The following VAC14 variants were observed in gnomAD, a reference collection of about 807,000 sequenced individuals.
The protein encoded by VAC14 is protein VAC14 homolog.
A neutral mutation model predicts 85.3 loss-of-function variants in VAC14; 47 were observed. The observed-to-expected ratio is 0.55, with a 90% CI of 0.44 to 0.70. VAC14 has a LOEUF of 0.70. Ranked by LOEUF, VAC14 falls within the 30% of genes least tolerant of loss-of-function variation. VAC14 has a pLI of 0.00. For missense variants in VAC14, 861 were observed against 1,004.3 expected (o/e 0.86, Z 1.93); for synonymous variants, 447 against 430.5 (o/e 1.04, Z -0.47).
In VAC14 at chr16:70,786,350, G is replaced by A. The variant is rs1435530349; in HGVS notation, c.120C>T (p.Phe40=). 9 of 1,614,118 alleles carry A rather than the reference G, an allele frequency of 5.6e-6. No individual in the cohort carries two copies. Among genetic ancestry groups the A allele is most frequent in the African/African-American group, 1.3e-5 (1 of 75,064 alleles). The change falls in exon 2 of 19, where the codon TTC becomes TTT. Residue 40 remains phenylalanine (F), a synonymous_variant. Transcript: ENST00000261776. ...TTTGCACGGTATTGTTCTGGGCCAC[G>A]AACTCCCGGACCAGCCTGGAGAGAG... The part of the protein sequence containing the change: ...ALEIEKLVRE[F]VAQNNTVQIK...
chr16:70,698,022 G>A (rs2053749299), intron 15 of VAC14, among the ~76,000 whole-genome samples: 1 of 152,162 alleles, frequency 6.6e-6, no homozygotes, highest in Non-Finnish European at 1.5e-5. Context: ...TGGGACCCGC[G>A]TCTCTCCTTG....
chr16:70,757,185 C>T (rs1218177939), intron 12 of VAC14, among the ~76,000 whole-genome samples: 3 of 152,218 alleles, frequency 2.0e-5, no homozygotes, highest in African/African-American at 7.2e-5. Flanking sequence ...GTAGGCCCAA[C>T]TGCAAAGAAA....
chr16:70,690,861 A>G, intron 18 of VAC14: 1 of 985,446 alleles, frequency 1.0e-6, no homozygotes, highest in Non-Finnish European at 1.2e-6. Flanking sequence ...GGTCGTTGCA[A>G]AGTAAGGCTG....
intron 12 of VAC14, among the ~76,000 whole-genome samples, chr16:70,749,577 C>T (rs1009743888): frequency 2.6e-5 from 4 of 152,266 alleles, no homozygotes; most frequent in African/African-American, 9.6e-5. Flanking sequence ...CAGACACACA[C>T]ACACAGCACC....
intron 9 of VAC14, among the ~76,000 whole-genome samples, chr16:70,774,609 C>T (rs1267194130): frequency 2.0e-5 from 3 of 152,158 alleles, no homozygotes; most frequent in Non-Finnish European, 4.4e-5. Context: ...GCACTCAGGG[C>T]TGGAGCTTGC....
intron 9 of VAC14, among the ~76,000 whole-genome samples, chr16:70,776,974 A>T (rs560426619): frequency 3.3e-5 from 5 of 151,914 alleles, no homozygotes; most frequent in African/African-American, 1.2e-4. Context: ...TGACTGGCTA[A>T]TTTTTTGTAT....
chr16:70,689,391 A>T (rs12599280), intron 18 of VAC14: 596,297 of 985,090 alleles, frequency 0.61, 181,119 homozygotes, highest in African/African-American at 0.63. Flanking sequence ...GGAGACAAAA[A>T]GGAGCTCCCC....
chr16:70,689,404 A>G, intron 18 of VAC14: 1 of 985,376 alleles, frequency 1.0e-6, no homozygotes, highest in Non-Finnish European at 1.2e-6. Context: ...AGCTCCCCCA[A>G]AACGAACTCT....
chr16:70,696,088 C>T (rs1428664880), intron 16 of VAC14, among the ~76,000 whole-genome samples: 1 of 152,228 alleles, frequency 6.6e-6, no homozygotes, highest in Admixed American at 6.5e-5. Context: ...TAGCCCTCCA[C>T]TGAGGCACCT....
intron 18 of VAC14, 131 bp from the exon 19 acceptor site, chr16:70,688,221 G>A (rs2053535289): frequency 7.6e-7 from 1 of 1,320,514 alleles, no homozygotes; most frequent in East Asian, 2.8e-5. Context: ...TCTCAGGCCT[G>A]GCAACTCTTC....
chr16:70,777,746 C>T (rs559581185), intron 9 of VAC14, among the ~76,000 whole-genome samples: 5 of 152,138 alleles, frequency 3.3e-5, no homozygotes, highest in East Asian at 1.9e-4. Flanking sequence ...GGTTCTTGCC[C>T]GGAGGTGTGC....
chr16:70,783,414 G>A (rs372732294), intron 6 of VAC14, 31 bp downstream of exon 6: 173 of 1,606,400 alleles, frequency 1.1e-4, no homozygotes, highest in Non-Finnish European at 1.4e-4. Context: ...GTGGCAGGAG[G>A]CAGCAGCTTC....
chr16:70,714,402 A>G (rs2142996927), intron 14 of VAC14: 1 of 152,192 alleles, frequency 6.6e-6, no homozygotes, highest in East Asian at 1.9e-4. Context: ...AGCAGAAGGA[A>G]CTGGACCGGG....
rs77757308 is a variant in VAC14, at chr16:70,756,154, T to C, written c.1371+6386A>G. The C allele has an allele frequency of 8.1e-3, 3,674 of 453,462 alleles. 106 individuals are homozygous for C. Among genetic ancestry groups the C allele is most frequent in the African/African-American group, 0.064 (3,189 of 50,132 alleles). The allele number at this position is 453,462 out of a possible 1,614,324, so 28.1% of individuals were successfully genotyped here. ...GAAGGAAAGGGGCACGCTGGGGTGA[T>C]ACACAGGGCTGCTTCTGCCCTGAGG... On this transcript the variant is annotated intron_variant, in intron 12 of 18. Coordinates refer to ENST00000261776, the MANE Select transcript of VAC14 (RefSeq NM_018052.5).
intron 10 of VAC14, 27 bp from the exon 11 acceptor site, chr16:70,763,052 A>G: frequency 4.3e-6 from 7 of 1,613,912 alleles, no homozygotes; most frequent in Non-Finnish European, 5.9e-6. Flanking sequence ...GAGGGAGAGC[A>G]GAGGTGAAGC....
At chr16:70,713,380 G>A (rs577162953) in intron 14 of VAC14, among the ~76,000 whole-genome samples, 1 of 152,332 alleles carries the variant, frequency 6.6e-6, no homozygotes, top group South Asian at 2.1e-4. Flanking sequence ...CCACAGTTCC[G>A]CCCTGAAGAC....
intron 1 of VAC14, among the ~76,000 whole-genome samples, chr16:70,789,054 T>C (rs2034203038): frequency 6.6e-6 from 1 of 152,228 alleles, no homozygotes; most frequent in Non-Finnish European, 1.5e-5. Flanking sequence ...GCATGAAACC[T>C]GAGAACAGTA....
intron 15 of VAC14, among the ~76,000 whole-genome samples, chr16:70,697,564 C>G (rs575027095): frequency 1.3e-5 from 2 of 152,312 alleles, no homozygotes; most frequent in Admixed American, 1.3e-4. Context: ...ATTGTCCCCC[C>G]TCCCCACCCC....
intron 18 of VAC14, among the ~76,000 whole-genome samples, chr16:70,692,606 G>A (rs1425676852): frequency 2.0e-5 from 3 of 152,212 alleles, no homozygotes; most frequent in Non-Finnish European, 4.4e-5. Context: ...CACCGTGTGA[G>A]GGCTCCCAGA....
Sources: allele counts gnomAD v4.1 joint callset (sites outside exome capture counted in the v4.1 genomes callset), GRCh38; gene constraint gnomAD v4.1.1; transcripts MANE v1.5; gene names NCBI Gene and HGNC (gene_info 2026-07-23, HGNC 2026-07-21).